AIMP1: variants seen among roughly 807,000 people sequenced by gnomAD.
The protein encoded by AIMP1 is aminoacyl tRNA synthetase complex interacting multifunctional protein 1.
In AIMP1, 24 loss-of-function variants were observed where a neutral mutation model predicts 33.1. The ratio of observed to expected loss-of-function variants is 0.73; its 90% CI spans 0.53 to 1.02. The LOEUF is 1.02. AIMP1 is among the 50% of genes least tolerant of loss of function. AIMP1 has a pLI of 0.00. For missense variants in AIMP1, 367 were observed against 364.8 expected (o/e 1.01, Z -0.05); for synonymous variants, 120 against 121.5 (o/e 0.99, Z 0.08).
intron 6 of AIMP1, among the ~76,000 whole-genome samples, chr4:106,347,311 T>G (rs1276235735): frequency 6.6e-6 from 1 of 152,164 alleles, no homozygotes; most frequent in Non-Finnish European, 1.5e-5. Flanking sequence ...ATGATATCTT[T>G]AATATACATA....
intron 5 of AIMP1, among the ~76,000 whole-genome samples, chr4:106,336,133 A>C (rs1377356064): frequency 6.8e-6 from 1 of 146,488 alleles, no homozygotes; most frequent in African/African-American, 2.5e-5. Flanking sequence ...TCCAGGCTCA[A>C]GCGATCCTTC....
At chr4:106,330,852 C>T (rs1046459748) in intron 4 of AIMP1, among the ~76,000 whole-genome samples, 1 of 151,960 alleles carries the variant, frequency 6.6e-6, no homozygotes, top group Non-Finnish European at 1.5e-5. Flanking sequence ...TTTTTGGGGC[C>T]AGAAAAGCTA....
intron 6 of AIMP1, among the ~76,000 whole-genome samples, chr4:106,346,196 C>G (rs891766685): frequency 6.6e-6 from 1 of 152,030 alleles, no homozygotes; most frequent in Non-Finnish European, 1.5e-5. Flanking sequence ...CTCTACTTTT[C>G]TGTCATTAAG....
intron 5 of AIMP1, among the ~76,000 whole-genome samples, chr4:106,333,968 A>G (rs1769774431): frequency 6.6e-6 from 1 of 152,174 alleles, no homozygotes; most frequent in African/African-American, 2.4e-5. Context: ...GTAACAGTGG[A>G]AAGAATCGAA....
intron 1 of AIMP1, among the ~76,000 whole-genome samples, chr4:106,323,048 A>ATGTG (rs1487955928): frequency 6.6e-6 from 1 of 150,874 alleles, no homozygotes; most frequent in Non-Finnish European, 1.5e-5. Context: ...GTAGTTGCAT[A>ATGTG]TGTGTATTTA....
Position 106,327,565 on chromosome 4 carries a change from G to A in AIMP1, c.223+1G>A, listed in dbSNP as rs913064158. 6 of 1,602,044 alleles carry A rather than the reference G, an allele frequency of 3.7e-6. No individual in the cohort carries two copies. The highest frequency in any genetic ancestry group is 1.1e-5 in the South Asian group (1 of 90,514). On this transcript the variant is annotated splice_donor_variant, in intron 3 of 6. Transcript: ENST00000672341. LOFTEE classifies it high-confidence loss of function. ...ATTCAGGCAGAAATTCAAAATGGAGGTAATTAAATATAGAAAATTTGAGTA... is the reference window on the plus strand; with the variant it reads ...ATTCAGGCAGAAATTCAAAATGGAGATAATTAAATATAGAAAATTTGAGTA...
rs937977568 is a variant in AIMP1, at chr4:106,335,610, A to G, written c.604-1259A>G. 2.6e-5 allele frequency among the ~76,000 whole-genome samples: 4 copies of G among 152,144 alleles called. No homozygotes were observed. The East Asian group carries it at 7.7e-4, about 29-fold the overall frequency. On this transcript the variant is annotated intron_variant, in intron 5 of 6. Transcript: ENST00000672341. ...ACTAATCCTGTTGCTACTCTTAAAC[A>G]CTTTTGCTGTAACTTTTAAGTTCTC...
intron 5 of AIMP1, 90 bp downstream of exon 5, chr4:106,331,973 A>G: frequency 8.2e-7 from 1 of 1,217,148 alleles, no homozygotes; most frequent in Non-Finnish European, 1.2e-6. Flanking sequence ...TTTGTATACC[A>G]TACAACATGT....
chr4:106,327,962 A>G (rs1264633391), intron 3 of AIMP1, 114 bp from the exon 4 acceptor site: 11 of 1,462,970 alleles, frequency 7.5e-6, no homozygotes, highest in Middle Eastern at 2.4e-4. Flanking sequence ...TTTGATAGCC[A>G]TATACAGTGA....
At chr4:106,337,087 GT>G (rs1769913534) in intron 6 of AIMP1, 50 bp downstream of exon 6, 9 of 1,515,658 alleles carry the variant, frequency 5.9e-6, no homozygotes, top group Non-Finnish European at 8.2e-6. Context: ...AGTTCTCAAA[GT>G]GATGTTTGTA....
chr4:106,316,809 A>C (rs1189499623), intron 1 of AIMP1: 7 of 514,406 alleles, frequency 1.4e-5, no homozygotes, highest in South Asian at 1.2e-4. Context: ...TGCAGGCCTA[A>C]GTTAAGAATG....
intron 4 of AIMP1, among the ~76,000 whole-genome samples, chr4:106,330,371 A>G (rs1225348247): frequency 2.0e-5 from 3 of 152,156 alleles, no homozygotes; most frequent in South Asian, 2.1e-4. Flanking sequence ...TTTGTTGTAC[A>G]TATTTTTCTG....
intron 6 of AIMP1, among the ~76,000 whole-genome samples, chr4:106,340,040 A>G (rs577816734): frequency 6.6e-6 from 1 of 152,334 alleles, no homozygotes; most frequent in East Asian, 1.9e-4. Flanking sequence ...ATATAGAATA[A>G]GTATTTATCT....
chr4:106,324,447 C>T (rs1312706148), intron 1 of AIMP1, among the ~76,000 whole-genome samples: 12 of 151,960 alleles, frequency 7.9e-5, no homozygotes, highest in Admixed American at 3.9e-4. Context: ...ATAAAGACAA[C>T]GGTATATACT....
At chr4:106,323,887 T>A (rs1245129509) in intron 1 of AIMP1, among the ~76,000 whole-genome samples, 2 of 152,052 alleles carry the variant, frequency 1.3e-5, no homozygotes, top group East Asian at 3.8e-4. Context: ...ATCATCTTAT[T>A]CAAATTTCAA....
intron 1 of AIMP1, among the ~76,000 whole-genome samples, chr4:106,320,060 C>T (rs1479790337): frequency 6.6e-6 from 1 of 152,088 alleles, no homozygotes; most frequent in Non-Finnish European, 1.5e-5. Context: ...CCAGCCATAG[C>T]GCATGTTCTA....
At chr4:106,315,821 CTCTA>C (rs1377344871), upstream of AIMP1, 1 of 152,416 alleles carries the variant, frequency 6.6e-6, no homozygotes, top group Non-Finnish European at 1.5e-5. Context: ...CAGCTCGGTT[CTCTA>C]TCTATTCTGA....
chr4:106,316,584 C>T lies in AIMP1; in HGVS notation c.-36C>T, dbSNP rs1464367290. 4.5e-6 allele frequency: 7 copies of T among 1,551,530 alleles called. No homozygotes were observed. The highest frequency in any genetic ancestry group is 6.1e-6 in the Non-Finnish European group (7 of 1,146,906). On this transcript the variant is annotated 5_prime_UTR_variant, in exon 1 of 7. Transcript: ENST00000672341. The stretch of plus-strand genomic sequence containing the variant: ...TGTGGCTGTCTCGGAACCCGTGGTC[C>T]TCCGCTTCATGTGAGTGACGTCGTG...
At position 106,348,018 on chromosome 4, in the gene AIMP1, G is replaced by T; in HGVS notation, c.*326G>T. 1 of 193,636 alleles carries T rather than the reference G, an allele frequency of 5.2e-6. No individual in the cohort carries two copies. Among genetic ancestry groups the T allele is most frequent in the Non-Finnish European group, 1.1e-5 (1 of 93,656 alleles). The allele number at this position is 193,636 out of a possible 1,614,324, so 12.0% of individuals were successfully genotyped here. A position where few individuals can be genotyped will look rare whatever the true frequency, so the allele number is the denominator to read the frequency against. On this transcript the variant is annotated 3_prime_UTR_variant, in exon 7 of 7. Coordinates refer to ENST00000672341, the MANE Select transcript of AIMP1 (RefSeq NM_001142416.2). The stretch of plus-strand genomic sequence containing the variant: ...TTAATGTTTAGTTTCTTATTTGTAG[G>T]CACAGGATGCATGAAATTTCAAGCT...
Sources: gnomAD v4.1 joint callset for allele counts (sites outside exome capture counted in the v4.1 genomes callset) on GRCh38, gnomAD v4.1.1 for gene constraint, MANE v1.5 for transcripts, NCBI Gene and HGNC (gene_info 2026-07-23, HGNC 2026-07-21) for gene names.